GRAMD1A: variants seen among roughly 807,000 people sequenced by gnomAD.
GRAMD1A encodes the protein protein Aster-A.
GRAMD1A carries 50 observed loss-of-function variants against 92.0 expected under a neutral mutation model. That is an observed-to-expected ratio of 0.54 (90% CI 0.43 to 0.69). The LOEUF (loss-of-function observed/expected upper bound fraction) is 0.69. GRAMD1A is among the 30% of genes least tolerant of loss of function. The pLI is 0.00. For missense variants in GRAMD1A, 819 were observed against 978.9 expected (o/e 0.84, Z 2.18); for synonymous variants, 405 against 403.6 (o/e 1.00, Z -0.04).
rs1216282042 is a variant in GRAMD1A at position 35,010,189 on chromosome 19, G to A, written c.423G>A (p.Glu141=). 1.2e-6 allele frequency: 2 copies of A among 1,611,002 alleles called. No individual in the cohort carries two copies. Among genetic ancestry groups the A allele is most frequent in the African/African-American group, 1.3e-5 (1 of 74,886 alleles). ...TCTACAGCAACATCTTCCGCTGGGA[G>A]ACCACGGTGAGCCCGCAGCGGGGCA... ...ICFYSNIFRW[E]TTISIQLKEV... The change falls in exon 5 of 20, where the codon GAG becomes GAA. Residue 141 remains glutamate (E), a synonymous_variant. Transcript: ENST00000317991.
At chr19:35,023,618 C>T (rs1456534903) in intron 19 of GRAMD1A, 71 bp downstream of exon 19, 30 of 1,408,728 alleles carry the variant, frequency 2.1e-5, no homozygotes, top group East Asian at 4.9e-5. Context: ...CCCCACCGTG[C>T]GGCAGGCACT....
At chr19:35,017,172 TA>T (rs199758837) in intron 11 of GRAMD1A, among the ~76,000 whole-genome samples, 45,298 of 148,902 alleles carry the variant, frequency 0.3, 7,241 homozygotes, top group Middle Eastern at 0.46. Flanking sequence ...GAGACTCCAT[TA>T]AAAAAAAAAA....
intron 7 of GRAMD1A, among the ~76,000 whole-genome samples, 156 bp downstream of exon 7, chr19:35,011,710 C>G (rs2015254120): frequency 6.6e-6 from 1 of 152,218 alleles, no homozygotes; most frequent in Non-Finnish European, 1.5e-5. Flanking sequence ...CCCACCTGAC[C>G]CCGAAGCTGA....
At chr19:35,024,650 A>T (rs2016311278) in intron 19 of GRAMD1A, among the ~76,000 whole-genome samples, 1 of 146,710 alleles carries the variant, frequency 6.8e-6, no homozygotes, top group African/African-American at 2.5e-5. Flanking sequence ...GCTCATCTTT[A>T]GGGGTCTCAT....
In GRAMD1A at chr19:35,000,642, G is replaced by A. The variant is rs2014291891; in HGVS notation, c.8+156G>A. Among the ~76,000 whole-genome samples the A allele has an allele frequency of 6.6e-6, 1 of 151,382 alleles. No individual in the cohort carries two copies. Among genetic ancestry groups the A allele is most frequent in the South Asian group, 2.1e-4 (1 of 4,814 alleles). On this transcript the variant is annotated intron_variant, in intron 1 of 19. Coordinates refer to ENST00000317991, the MANE Select transcript of GRAMD1A (RefSeq NM_020895.5). The surrounding 1 kb of genome is among the most constrained non-coding windows in gnomAD (Gnocchi z 4.9). ...GGCCGGGGCGATCGGGGTGGGGGCG[G>A]GGCAGGGGGCCCCCGGGCGAGGGGT...
Position 35,009,193 on chromosome 19 carries a change from C to A in GRAMD1A, c.83C>A (p.Pro28Gln). 1 of 1,613,936 alleles carries A rather than the reference C, an allele frequency of 6.2e-7. No homozygotes were observed. The highest frequency in any genetic ancestry group is 8.5e-7 in the Non-Finnish European group (1 of 1,179,804). ...SLRKRLQLLP[P>Q]SRPPPEPEPG... ...CGGAAACGGCTGCAGCTCCTGCCCC[C>A]AAGCCGGCCCCCACCTGAGCCAGAA... The change falls in exon 2 of 20, where the codon CCA becomes CAA. Residue 28 changes from proline to glutamine, a missense_variant. This residue lies in a region of GRAMD1A where 98 missense variants were observed against 84.0 expected (regional missense o/e 1.17). Transcript: ENST00000317991.
At chr19:35,012,656 C>T (rs1321696046) in intron 7 of GRAMD1A, among the ~76,000 whole-genome samples, 4 of 152,202 alleles carry the variant, frequency 2.6e-5, no homozygotes, top group African/African-American at 4.8e-5. Context: ...CCTGGGACTC[C>T]GTATGCTCTG....
chr19:35,003,099 C>CGTGTGTG (rs2014517804), intron 1 of GRAMD1A, among the ~76,000 whole-genome samples: 1 of 119,478 alleles, frequency 8.4e-6, no homozygotes, highest in African/African-American at 3.7e-5. Flanking sequence ...TGTGTAATTA[C>CGTGTGTG]TCTGTGGCTC....
chr19:35,015,727 C>G, intron 10 of GRAMD1A, 97 bp from the exon 11 acceptor site: 1 of 1,215,662 alleles, frequency 8.2e-7, no homozygotes, highest in Non-Finnish European at 1.1e-6. Context: ...TGGGGTCCGC[C>G]CATGCACACT....
upstream of GRAMD1A, chr19:34,995,946 G>A (rs758973732): frequency 5.5e-5 from 70 of 1,275,120 alleles, no homozygotes; most frequent in African/African-American, 7.5e-5. Context: ...GGTGGTAAGG[G>A]GGCTTAAGCG....
upstream of GRAMD1A, chr19:34,996,428 C>T (rs1215368046): frequency 3.1e-6 from 2 of 651,120 alleles, no homozygotes; most frequent in East Asian, 5.7e-5. Flanking sequence ...AGCCACGAAA[C>T]AGATGCACAA....
At chr19:34,996,413 C>T, upstream of GRAMD1A, 4 of 721,948 alleles carry the variant, frequency 5.5e-6, no homozygotes, top group South Asian at 7.9e-5. Context: ...AGAGGGCTGA[C>T]TCAAAGCCAC....
chr19:35,026,079 G>A lies in GRAMD1A; in HGVS notation c.2113G>A (p.Gly705Ser). ...GTTCTCGCTGGAGAAGCTGCACCAA[G>A]GCATCACAGTCTCAGACCCTCCCTT... ...MKFSLEKLHQ[G>S]ITVSDPPFDT... The change falls in exon 20 of 20, where the codon GGC (glycine) becomes AGC (serine). Residue 705 changes from glycine to serine, a missense_variant. Physicochemically the swap from Gly to Ser is moderately conservative, Grantham distance 56 (BLOSUM62 0). This residue lies in a region of GRAMD1A where 577 missense variants were observed against 674.6 expected (regional missense o/e 0.86). Transcript: ENST00000317991. 1 of 1,606,528 alleles carries A rather than the reference G, an allele frequency of 6.2e-7. No individual in the cohort carries two copies. The highest frequency in any genetic ancestry group is 1.1e-5 in the South Asian group (1 of 90,898).
At position 35,013,386 on chromosome 19, in the gene GRAMD1A, G is replaced by A; in HGVS notation, c.719+18G>A. The A allele has an allele frequency of 6.6e-7, 1 of 1,522,408 alleles. No individual in the cohort carries two copies. The highest frequency in any genetic ancestry group is 9.0e-7 in the Non-Finnish European group (1 of 1,113,762). The allele number at this position is 1,522,408 out of a possible 1,614,324, so 94.3% of individuals were successfully genotyped here. A position where few individuals can be genotyped will look rare whatever the true frequency, so the allele number is the denominator to read the frequency against. On this transcript the variant is annotated intron_variant, in intron 8 of 19. Coordinates refer to ENST00000317991, the MANE Select transcript of GRAMD1A (RefSeq NM_020895.5). The surrounding 1 kb of genome is among the most constrained non-coding windows in gnomAD (Gnocchi z 4.9). ...GGTCTGGGGTGAGTTGGAGGTCAAA[G>A]GAGGTTGAAGGGTTCGGGGGAGAAC...
chr19:35,006,753 C>A (rs2014848542), intron 1 of GRAMD1A, among the ~76,000 whole-genome samples: 1 of 152,158 alleles, frequency 6.6e-6, no homozygotes, highest in Non-Finnish European at 1.5e-5. Flanking sequence ...GCTCTAGGGA[C>A]CCGGTGGTAA....
intron 11 of GRAMD1A, among the ~76,000 whole-genome samples, chr19:35,017,926 C>G (rs1356012036): frequency 6.6e-6 from 1 of 152,206 alleles, no homozygotes; most frequent in Non-Finnish European, 1.5e-5. Context: ...CCACTGGCCT[C>G]CAAGCCCTGC....
At chr19:34,995,579 T>C (rs920678322), upstream of GRAMD1A, among the ~76,000 whole-genome samples, 17 of 140,418 alleles carry the variant, frequency 1.2e-4, 2 homozygotes, top group South Asian at 2.7e-3. Flanking sequence ...GGGTTTTTTT[T>C]TTTTTTTTTT....
chr19:35,019,975 C>A (rs1220206803), intron 13 of GRAMD1A, among the ~76,000 whole-genome samples: 1 of 152,148 alleles, frequency 6.6e-6, no homozygotes. Context: ...AGAAATGTTT[C>A]ACCAAGAACC....
chr19:35,005,362 A>G (rs2014732623), intron 1 of GRAMD1A, among the ~76,000 whole-genome samples: 1 of 151,922 alleles, frequency 6.6e-6, no homozygotes, highest in South Asian at 2.1e-4. Context: ...TCCACTGAGC[A>G]GAGACCTGAG....
Sources: gnomAD v4.1 joint callset for allele counts (sites outside exome capture counted in the v4.1 genomes callset) on GRCh38, gnomAD v4.1.1 for gene constraint, gnomAD v4.1.1 regional missense constraint, Gnocchi (gnomAD v3.1) non-coding constraint, MANE v1.5 for transcripts, NCBI Gene and HGNC (gene_info 2026-07-23, HGNC 2026-07-21) for gene names.